The following CNTN4 variants were observed in gnomAD, a reference collection of about 807,000 sequenced individuals.
CNTN4 encodes the protein contactin 4.
Under a neutral mutation model 122.5 loss-of-function variants are expected in CNTN4, and 77 were observed. The ratio of observed to expected loss-of-function variants is 0.63; its 90% CI spans 0.52 to 0.76. CNTN4 has a LOEUF of 0.76. Among genes scored for constraint, CNTN4 ranks in the 30% least tolerant of loss-of-function variants. The probability of loss-of-function intolerance (pLI) is 0.00; values close to 1 mark genes in which losing one functional copy is unlikely to be tolerated. For missense variants in CNTN4, 1,256 were observed against 1,259.1 expected (o/e 1.00, Z 0.04); for synonymous variants, 512 against 447.0 (o/e 1.15, Z -1.83).
At chr3:2,160,788 A>C (rs1156621062) in intron 2 of CNTN4, among the ~76,000 whole-genome samples, 2 of 152,234 alleles carry the variant, frequency 1.3e-5, no homozygotes, top group South Asian at 2.1e-4. Flanking sequence ...CGTATTATTA[A>C]GTTTGCAGCT....
intron 2 of CNTN4, among the ~76,000 whole-genome samples, chr3:2,116,524 A>G (rs2033364444): frequency 6.6e-6 from 1 of 152,172 alleles, no homozygotes; most frequent in Non-Finnish European, 1.5e-5. Flanking sequence ...GTAGTTGAAT[A>G]GGCTCCCCAT....
chr3:2,245,156 T>C (rs1181755533), intron 2 of CNTN4, among the ~76,000 whole-genome samples: 1 of 152,012 alleles, frequency 6.6e-6, no homozygotes, highest in Non-Finnish European at 1.5e-5. Context: ...TAGAACTCAC[T>C]CCTCCTATGT....
chr3:2,301,226 G>A (rs1014743861), intron 2 of CNTN4, among the ~76,000 whole-genome samples: 1 of 152,104 alleles, frequency 6.6e-6, no homozygotes, highest in Non-Finnish European at 1.5e-5. Flanking sequence ...GTTAGCACAC[G>A]CTAATTACTT....
intron 4 of CNTN4, among the ~76,000 whole-genome samples, chr3:2,706,483 A>G (rs2086745596): frequency 6.6e-6 from 1 of 152,160 alleles, no homozygotes; most frequent in Non-Finnish European, 1.5e-5. Context: ...CACATTTGCA[A>G]TTTGCGATTT....
chr3:2,571,879 A>G (rs1474641739), intron 4 of CNTN4, among the ~76,000 whole-genome samples: 3 of 152,210 alleles, frequency 2.0e-5, no homozygotes, highest in African/African-American at 7.2e-5. Context: ...GGGCAATAAA[A>G]CTGATAATAT....
chr3:2,287,700 GAAGAA>G (rs1559415869), intron 2 of CNTN4, among the ~76,000 whole-genome samples: 3,018 of 78,184 alleles, frequency 0.039, 132 homozygotes, highest in East Asian at 0.069. Flanking sequence ...AGAGGAAGAA[GAAGAA>G]GAAGAGGAAG....
At chr3:2,765,809 G>A (rs987821270) in intron 6 of CNTN4, among the ~76,000 whole-genome samples, 4 of 152,108 alleles carry the variant, frequency 2.6e-5, no homozygotes, top group Admixed American at 1.3e-4. Context: ...GAAATACATA[G>A]CAAGTAATAA....
chr3:2,516,187 A>G (rs1421843126), intron 3 of CNTN4, among the ~76,000 whole-genome samples: 3 of 152,034 alleles, frequency 2.0e-5, no homozygotes, highest in African/African-American at 7.2e-5. Context: ...ATATATATAT[A>G]TATTTTTGAT....
At chr3:2,433,997 G>A (rs907905709) in intron 3 of CNTN4, among the ~76,000 whole-genome samples, 1 of 152,116 alleles carries the variant, frequency 6.6e-6, no homozygotes, top group African/African-American at 2.4e-5. Flanking sequence ...CCAGAGGCTG[G>A]GGGAGGGATT....
At chr3:2,478,496 A>G (rs1451094148) in intron 3 of CNTN4, among the ~76,000 whole-genome samples, 1 of 151,132 alleles carries the variant, frequency 6.6e-6, no homozygotes, top group Non-Finnish European at 1.5e-5. Flanking sequence ...AACATGTGCC[A>G]TGATGGTTTA....
chr3:2,672,830 A>G (rs1233726231), intron 4 of CNTN4, among the ~76,000 whole-genome samples: 1 of 152,206 alleles, frequency 6.6e-6, no homozygotes, highest in Non-Finnish European at 1.5e-5. Context: ...TAGTTTAGTA[A>G]TAGTTATAAG....
In CNTN4 at chr3:2,706,976, ATG is replaced by A. The variant is rs369390925; in HGVS notation, c.56-29223_56-29222del. On this transcript the variant is annotated intron_variant, in intron 4 of 24. Transcript: ENST00000418658. Reference sequence around the variant, plus strand: ...CATGGGGAAGCACTAGATTATGTGTATGTGTGTGTGTGTGTGTATGTAATTAT... The same window carrying A: ...CATGGGGAAGCACTAGATTATGTGTATGTGTGTGTGTGTGTATGTAATTAT... 1.6e-3 allele frequency among the ~76,000 whole-genome samples: 243 copies of A among 150,746 alleles called. 2 individuals are homozygous for A. Among genetic ancestry groups the A allele is most frequent in the African/African-American group, 5.4e-3 (224 of 41,124 alleles).
rs17013091 is a variant in CNTN4 at position 2,354,900 on chromosome 3, C to G, written c.-89+15667C>G. Among the ~76,000 whole-genome samples, 204 of 152,184 alleles carry G rather than the reference C, an allele frequency of 1.3e-3. 1 individual carries two copies. The highest frequency in any genetic ancestry group is 4.8e-3 in the African/African-American group (201 of 41,528). On this transcript the variant is annotated intron_variant, in intron 3 of 24. Coordinates refer to ENST00000418658, the MANE Select transcript of CNTN4 (RefSeq NM_175607.3). ...TGAGGAAAATACAAATTAAAAGGCT[C>G]CAAGACAGAAATAGGAGCATTAGCA...
chr3:2,568,532 G>T (rs1344768238), intron 3 of CNTN4, among the ~76,000 whole-genome samples: 1 of 152,116 alleles, frequency 6.6e-6, no homozygotes, highest in Non-Finnish European at 1.5e-5. Context: ...GCTCACAGCT[G>T]CAGGGGAGAT....
At chr3:2,352,368 C>G (rs970061064) in intron 3 of CNTN4, among the ~76,000 whole-genome samples, 2 of 152,166 alleles carry the variant, frequency 1.3e-5, no homozygotes, top group African/African-American at 4.8e-5. Context: ...GGAACCGGCT[C>G]CCTCTGCTTG....
At chr3:2,734,915 C>T (rs936878182) in intron 4 of CNTN4, among the ~76,000 whole-genome samples, 2 of 152,206 alleles carry the variant, frequency 1.3e-5, no homozygotes, top group Middle Eastern at 3.4e-3. Context: ...ACATCATAGC[C>T]TCTGGTGATT....
chr3:2,807,437 C>T (rs958677564), intron 6 of CNTN4, among the ~76,000 whole-genome samples: 5 of 152,050 alleles, frequency 3.3e-5, no homozygotes, highest in Admixed American at 1.3e-4. Flanking sequence ...ACATAAATAA[C>T]AGCTGCTCCT....
At chr3:2,735,933 A>G (rs771384570) in intron 4 of CNTN4, 1 of 554,290 alleles carries the variant, frequency 1.8e-6, no homozygotes, top group Admixed American at 1.9e-5. Flanking sequence ...AGAACAATAC[A>G]TAGAAGAGAG....
chr3:2,972,037 C>T (rs1285094822), intron 13 of CNTN4, among the ~76,000 whole-genome samples: 2 of 152,132 alleles, frequency 1.3e-5, no homozygotes. Context: ...ATTTTCCAAG[C>T]ACAGTGGTAT....
Sources: allele counts gnomAD v4.1 joint callset (sites outside exome capture counted in the v4.1 genomes callset), GRCh38; gene constraint gnomAD v4.1.1; transcripts MANE v1.5; gene names NCBI Gene and HGNC (gene_info 2026-07-23, HGNC 2026-07-21).